The following RPS6KA2 variants were observed in gnomAD, a reference collection of about 807,000 sequenced individuals.
RPS6KA2 encodes ribosomal protein S6 kinase alpha-2.
A neutral mutation model predicts 91.8 loss-of-function variants in RPS6KA2; 42 were observed. That is an observed-to-expected ratio of 0.46 (90% CI 0.36 to 0.59). The LOEUF (loss-of-function observed/expected upper bound fraction) is 0.59, where lower values mean the gene tolerates loss of function less well. Among genes scored for constraint, RPS6KA2 ranks in the 20% least tolerant of loss-of-function variants. The pLI, the probability that RPS6KA2 is intolerant of heterozygous loss-of-function variation, is 0.00. For synonymous variants in RPS6KA2, 414 were observed against 393.6 expected (o/e 1.05, Z -0.61); for missense variants, 798 against 978.5 (o/e 0.82, Z 2.46).
At chr6:166,471,854 T>A (rs550069909) in intron 10 of RPS6KA2, among the ~76,000 whole-genome samples, 1 of 152,330 alleles carries the variant, frequency 6.6e-6, no homozygotes, top group East Asian at 1.9e-4. Context: ...GGGTCCCCAG[T>A]CTAGCTCCCT....
intron 2 of RPS6KA2, among the ~76,000 whole-genome samples, chr6:166,779,403 C>T (rs2128609760): frequency 6.6e-6 from 1 of 152,282 alleles, no homozygotes; most frequent in Admixed American, 6.5e-5. Context: ...GAAGCCCGGC[C>T]CGCACATGTG....
In RPS6KA2 at chr6:166,410,626, CTG is replaced by C. The variant is rs1313627836; in HGVS notation, c.*2134_*2135del. On this transcript the variant is annotated 3_prime_UTR_variant, in exon 21 of 21. Transcript: ENST00000265678. ...CATTCTTAGAGTTCAGAAGCTAAGT[CTG>C]TACAAACTGGGATGACTGAAAAAGA... 2 of 152,070 alleles carry C rather than the reference CTG, an allele frequency of 1.3e-5. No homozygotes were observed. The highest frequency in any genetic ancestry group is 2.9e-5 in the Non-Finnish European group (2 of 68,020). 9.4% of individuals were successfully genotyped at this position (152,070 alleles called of 1,614,324 possible). A position where few individuals can be genotyped will look rare whatever the true frequency, so the allele number is the denominator to read the frequency against.
Position 166,451,200 on chromosome 6 carries a change from T to G in RPS6KA2, c.1109A>C (p.His370Pro). The change falls in exon 13 of 21, where the codon CAT becomes CCT. Residue 370 changes from histidine (H) to proline (P), a missense_variant. By Grantham distance (77) the His-to-Pro change is moderately conservative (BLOSUM62 -2). Transcript: ENST00000265678. ...AAAGCTGAATCCTCTAAACAGGTGA[T>G]GAGCGTTTGCACTCGGGGGGACGCC... ...SPGVPPSANA[H>P]HLFRGFSFVA... 6.2e-7 allele frequency: 1 copy of G among 1,614,076 alleles called. No homozygotes were observed. Among genetic ancestry groups the G allele is most frequent in the Non-Finnish European group, 8.5e-7 (1 of 1,179,994 alleles).
chr6:166,548,563 GGAAAA>G (rs1315291947), intron 1 of RPS6KA2, among the ~76,000 whole-genome samples: 2 of 152,156 alleles, frequency 1.3e-5, no homozygotes, highest in South Asian at 4.1e-4. Context: ...AGCTGCTTTT[GGAAAA>G]GCAATTCAAT....
intron 14 of RPS6KA2, among the ~76,000 whole-genome samples, 179 bp from the exon 15 acceptor site, chr6:166,432,669 G>A (rs1317801564): frequency 2.0e-5 from 3 of 152,136 alleles, no homozygotes; most frequent in Non-Finnish European, 4.4e-5. Context: ...TCCTTTCTTT[G>A]ACAACTAGTG....
chr6:166,771,566 T>C (rs1342532676), intron 2 of RPS6KA2, among the ~76,000 whole-genome samples: 1 of 152,188 alleles, frequency 6.6e-6, no homozygotes, highest in African/African-American at 2.4e-5. Flanking sequence ...GCACGTTCAG[T>C]GATGCAGGGG....
intron 2 of RPS6KA2, among the ~76,000 whole-genome samples, chr6:166,796,550 C>T (rs1243196826): frequency 3.2e-5 from 4 of 125,434 alleles, no homozygotes; most frequent in African/African-American, 9.9e-5. Context: ...GATGGTGCCA[C>T]TGCACTCCAG....
At chr6:166,789,626 C>A (rs1173281942) in intron 2 of RPS6KA2, among the ~76,000 whole-genome samples, 2 of 152,248 alleles carry the variant, frequency 1.3e-5, no homozygotes, top group Non-Finnish European at 2.9e-5. Flanking sequence ...TAGGGGCAGA[C>A]TGACACCTCA....
At chr6:166,424,190 G>A (rs1236883132) in intron 16 of RPS6KA2, among the ~76,000 whole-genome samples, 1 of 152,198 alleles carries the variant, frequency 6.6e-6, no homozygotes, top group African/African-American at 2.4e-5. Flanking sequence ...CTGGTTTACA[G>A]AGGTCCTGAT....
At chr6:166,523,892 G>C (rs1316523719) in intron 3 of RPS6KA2, among the ~76,000 whole-genome samples, 1 of 152,212 alleles carries the variant, frequency 6.6e-6, no homozygotes, top group Non-Finnish European at 1.5e-5. Flanking sequence ...TCAAGATGCT[G>C]TCATTGATAC....
At chr6:166,591,336 C>T (rs1412028176) in intron 1 of RPS6KA2, among the ~76,000 whole-genome samples, 3 of 152,320 alleles carry the variant, frequency 2.0e-5, no homozygotes, top group South Asian at 4.1e-4. Context: ...TGGCTGCTTC[C>T]GTCCAAATGG....
At chr6:166,474,976 C>T (rs1344592621) in intron 10 of RPS6KA2, among the ~76,000 whole-genome samples, 2 of 152,208 alleles carry the variant, frequency 1.3e-5, no homozygotes, top group Admixed American at 6.5e-5. Flanking sequence ...GTGCCGAGGG[C>T]GCTGGCCAGG....
At chr6:166,845,109 G>C (rs959532550) in intron 2 of RPS6KA2, among the ~76,000 whole-genome samples, 2 of 152,096 alleles carry the variant, frequency 1.3e-5, no homozygotes, top group African/African-American at 4.8e-5. Context: ...CAGTTAAAAA[G>C]ACAAAGAAGG....
At chr6:166,520,831 C>A (rs1421490918) in intron 3 of RPS6KA2, among the ~76,000 whole-genome samples, 1 of 152,230 alleles carries the variant, frequency 6.6e-6, no homozygotes. Context: ...CCAGCCATCT[C>A]CACAGAAGCC....
At chr6:166,503,115 G>A (rs1372426644) in intron 6 of RPS6KA2, among the ~76,000 whole-genome samples, 1 of 152,224 alleles carries the variant, frequency 6.6e-6, no homozygotes, top group Non-Finnish European at 1.5e-5. Flanking sequence ...TTTGTGTTAA[G>A]TGCTTATGTG....
At chr6:166,601,430 A>C (rs1785724725) in intron 1 of RPS6KA2, among the ~76,000 whole-genome samples, 1 of 152,248 alleles carries the variant, frequency 6.6e-6, no homozygotes. Context: ...TACCTGGAGC[A>C]TAAAGAACCA....
intron 2 of RPS6KA2, among the ~76,000 whole-genome samples, chr6:166,805,274 C>T (rs2178806): frequency 0.24 from 36,188 of 152,050 alleles, 5,356 homozygotes; most frequent in African/African-American, 0.41. Context: ...AAGAGAATAC[C>T]GTCCTCCAAT....
chr6:166,791,380 C>G (rs1779084283), intron 2 of RPS6KA2, among the ~76,000 whole-genome samples: 2 of 152,054 alleles, frequency 1.3e-5, no homozygotes, highest in South Asian at 4.1e-4. Context: ...CCTGAGTGAC[C>G]TACAAAGAGA....
chr6:166,572,968 C>A (rs1228643510), intron 1 of RPS6KA2, among the ~76,000 whole-genome samples: 2 of 152,184 alleles, frequency 1.3e-5, no homozygotes, highest in African/African-American at 4.8e-5. Flanking sequence ...TCAGAGGGAG[C>A]GGAGCACAGG....
Sources: gnomAD v4.1 joint callset for allele counts (sites outside exome capture counted in the v4.1 genomes callset) on GRCh38, gnomAD v4.1.1 for gene constraint, MANE v1.5 for transcripts, NCBI Gene and HGNC (gene_info 2026-07-23, HGNC 2026-07-21) for gene names.